The following SP1 variants were observed in gnomAD, a reference collection of about 807,000 sequenced individuals.
SP1 encodes Sp1 transcription factor.
In SP1, 6 loss-of-function variants were observed where a neutral mutation model predicts 66.3. The ratio of observed to expected loss-of-function variants is 0.09; its 90% CI spans 0.05 to 0.18. SP1 has a LOEUF of 0.18. Among genes scored for constraint, SP1 ranks in the 10% least tolerant of loss-of-function variants. The pLI, the probability that SP1 is intolerant of heterozygous loss-of-function variation, is 1.00. For synonymous variants in SP1, 417 were observed against 360.8 expected, an observed-to-expected ratio of 1.16 and a Z score of -1.77; for missense variants, 848 against 964.5, an observed-to-expected ratio of 0.88 and a Z score of 1.60.
Position 53,414,863 on chromosome 12 carries a change from A to G in SP1, c.*3623A>G, listed in dbSNP as rs1337309918. The G allele has an allele frequency of 1.3e-5, 2 of 152,578 alleles. No individual in the cohort carries two copies. The highest frequency in any genetic ancestry group is 4.8e-5 in the African/African-American group (2 of 41,406). 9.5% of individuals were successfully genotyped at this position (152,578 alleles called of 1,614,324 possible). A position where few individuals can be genotyped will look rare whatever the true frequency, so the allele number is the denominator to read the frequency against. ...TGAAGTTTTCAGTGTAAGTACCCTG[A>G]TGCCTTTTGGACCTTGGGATCAGAT... On this transcript the variant is annotated 3_prime_UTR_variant, in exon 6 of 6. Coordinates refer to ENST00000327443, the MANE Select transcript of SP1 (RefSeq NM_138473.3).
chr12:53,402,516 C>G (rs1184706469), intron 3 of SP1, among the ~76,000 whole-genome samples: 2 of 151,852 alleles, frequency 1.3e-5, no homozygotes, highest in East Asian at 2.0e-4. Context: ...GCCGTTGCGC[C>G]CGGCCTGGAC....
chr12:53,389,349 G>A (rs1363546407), intron 3 of SP1, among the ~76,000 whole-genome samples: 3 of 151,116 alleles, frequency 2.0e-5, no homozygotes, highest in Non-Finnish European at 4.4e-5. Flanking sequence ...AGCCTCCCGA[G>A]TAATGCCCAC....
At chr12:53,406,785 T>C (rs201971752) in intron 4 of SP1, 32 bp downstream of exon 4, 9 of 1,557,242 alleles carry the variant, frequency 5.8e-6, no homozygotes, top group Middle Eastern at 2.1e-4. Flanking sequence ...CTTACAAATA[T>C]AAAGAAAAAT....
chr12:53,397,866 T>A (rs1196171369), intron 3 of SP1, among the ~76,000 whole-genome samples: 2 of 152,192 alleles, frequency 1.3e-5, no homozygotes. Context: ...AGATAATCTT[T>A]TACTTGTATC....
intron 3 of SP1, among the ~76,000 whole-genome samples, chr12:53,399,237 CT>C (rs1454159543): frequency 6.6e-6 from 1 of 152,112 alleles, no homozygotes; most frequent in Non-Finnish European, 1.5e-5. Context: ...TTTGATTAAA[CT>C]TTTTTGTTTT....
chr12:53,407,282 T>A (rs369550881), intron 4 of SP1, among the ~76,000 whole-genome samples: 1 of 151,058 alleles, frequency 6.6e-6, no homozygotes, highest in Admixed American at 6.6e-5. Flanking sequence ...TTAAAAATTA[T>A]GTGGGAATAT....
intron 3 of SP1, among the ~76,000 whole-genome samples, chr12:53,390,244 G>C (rs1938318767): frequency 6.6e-6 from 1 of 152,032 alleles, no homozygotes; most frequent in Non-Finnish European, 1.5e-5. Context: ...TCTTTCCCTA[G>C]TATTATACTT....
At position 53,382,190 on chromosome 12, in the gene SP1, C is replaced by G. The variant is rs35550715; in HGVS notation, c.243C>G (p.Ser81=). ...IESPNENSNN[S]QGPSQSGGTG... is the part of the protein sequence containing the mutation. ...CACCCAATGAGAACAGCAACAACTCCCAGGGCCCGAGTCAGTCAGGGGGAA... is the reference window on the plus strand; with the variant it reads ...CACCCAATGAGAACAGCAACAACTCGCAGGGCCCGAGTCAGTCAGGGGGAA... The change falls in exon 3 of 6, where the codon TCC becomes TCG. Residue 81 remains serine, a synonymous_variant. Coordinates refer to ENST00000327443, the MANE Select transcript of SP1 (RefSeq NM_138473.3). 2.0e-3 allele frequency: 3,224 copies of G among 1,614,152 alleles called. 61 individuals are homozygous for G. In the African/African-American group the frequency reaches 0.039, roughly 19 times the overall value.
chr12:53,404,165 C>T (rs1444126303), intron 3 of SP1, among the ~76,000 whole-genome samples: 5 of 148,436 alleles, frequency 3.4e-5, no homozygotes, highest in African/African-American at 1.0e-4. Context: ...AGCGAGACTC[C>T]GTCTCAAAAA....
intron 3 of SP1, among the ~76,000 whole-genome samples, chr12:53,401,148 C>G (rs1322370578): frequency 6.6e-6 from 1 of 151,916 alleles, no homozygotes; most frequent in Non-Finnish European, 1.5e-5. Flanking sequence ...TTACTTAATT[C>G]CTAGAAATAT....
At chr12:53,384,348 G>A (rs1009411052) in intron 3 of SP1, among the ~76,000 whole-genome samples, 5 of 151,186 alleles carry the variant, frequency 3.3e-5, no homozygotes, top group African/African-American at 7.3e-5. Flanking sequence ...GCAGTGGCGT[G>A]ATCTCGGCTC....
intron 3 of SP1, among the ~76,000 whole-genome samples, chr12:53,400,808 C>G (rs1565814698): frequency 7.2e-6 from 1 of 139,592 alleles, no homozygotes; most frequent in African/African-American, 2.7e-5. Context: ...GTCGCCCAGG[C>G]TGCAGTGAAG....
At chr12:53,383,661 T>C in intron 3 of SP1, 39 bp downstream of exon 3, 1 of 1,509,402 alleles carries the variant, frequency 6.6e-7, no homozygotes, top group Non-Finnish European at 9.0e-7. Flanking sequence ...GGGAACCAAC[T>C]CTAGCATCGT....
At chr12:53,385,426 T>C (rs1399496266) in intron 3 of SP1, among the ~76,000 whole-genome samples, 1 of 148,914 alleles carries the variant, frequency 6.7e-6, no homozygotes, top group Non-Finnish European at 1.5e-5. Context: ...AAACCCTGTC[T>C]CTACTAAAAA....
intron 4 of SP1, among the ~76,000 whole-genome samples, chr12:53,408,061 A>C (rs1032544160): frequency 6.9e-6 from 1 of 144,440 alleles, no homozygotes; most frequent in Non-Finnish European, 1.5e-5. Context: ...AGCCTGGCCA[A>C]CATGGTGAAA....
rs1938940603 is a variant in SP1, at chr12:53,413,669, C to T, written c.*2429C>T. ...GAACTCAGAACCTGTTATTTTATGT[C>T]TGTAATCATGTACTTTGGCATCTTT... is the stretch of plus-strand genomic sequence containing the variant. On this transcript the variant is annotated 3_prime_UTR_variant, in exon 6 of 6. Transcript: ENST00000327443. The T allele has an allele frequency of 6.6e-6, 1 of 152,552 alleles. No homozygotes were observed. The highest frequency in any genetic ancestry group is 6.6e-5 in the Admixed American group (1 of 15,266). 9.4% of individuals were successfully genotyped at this position (152,552 alleles called of 1,614,324 possible). A position where few individuals can be genotyped will look rare whatever the true frequency, so the allele number is the denominator to read the frequency against.
chr12:53,380,427 C>T lies in SP1; in HGVS notation c.7+129C>T, dbSNP rs530291668. On this transcript the variant is annotated intron_variant, in intron 1 of 5. Coordinates refer to ENST00000327443, the MANE Select transcript of SP1 (RefSeq NM_138473.3). ...GCGGCGGCGGCGGCGGCCTAGGTCC[C>T]GCCCGGGGCGGAGGGAAGGGAGGGA... is the stretch of plus-strand genomic sequence containing the variant. 1.7e-4 allele frequency: 142 copies of T among 812,222 alleles called. No homozygotes were observed. In the African/African-American group the frequency reaches 2.4e-3, roughly 14 times the overall value. 50.3% of individuals were successfully genotyped at this position (812,222 alleles called of 1,614,324 possible).
In SP1 at chr12:53,409,395, T is replaced by C. The variant is rs1041501853; in HGVS notation, c.1878T>C (p.His626=). ...GGGATCCTGGCAAAAAGAAACAGCA[T>C]ATTTGCCACATCCAAGGCTGTGGGA... ...GSGDPGKKKQ[H]ICHIQGCGKV... Residue 626 remains histidine (H), a synonymous_variant, in exon 5 of 6, where the codon CAT becomes CAC. Transcript: ENST00000327443. The C allele has an allele frequency of 3.1e-6, 5 of 1,614,060 alleles. No individual in the cohort carries two copies. In the South Asian group the frequency reaches 5.5e-5, roughly 18 times the overall value.
intron 3 of SP1, among the ~76,000 whole-genome samples, chr12:53,384,369 C>T (rs1938179633): frequency 6.6e-6 from 1 of 151,896 alleles, no homozygotes; most frequent in Admixed American, 6.6e-5. Flanking sequence ...ACTGCAACCT[C>T]TGCCTCCCGG....
Sources: gnomAD v4.1 joint callset for allele counts (sites outside exome capture counted in the v4.1 genomes callset) on GRCh38, gnomAD v4.1.1 for gene constraint, MANE v1.5 for transcripts, NCBI Gene and HGNC (gene_info 2026-07-23, HGNC 2026-07-21) for gene names.